LRP1B: variants seen among roughly 807,000 people sequenced by gnomAD.
The protein encoded by LRP1B is LDL receptor related protein 1B.
In LRP1B, 217 loss-of-function variants were observed where a neutral mutation model predicts 556.6. The ratio of observed to expected loss-of-function variants is 0.39; its 90% CI spans 0.35 to 0.44. LRP1B has a LOEUF of 0.44. Among genes scored for constraint, LRP1B ranks in the 20% least tolerant of loss-of-function variants. LRP1B has a pLI of 1.00. For missense variants in LRP1B, 5,053 were observed against 5,620.8 expected, an observed-to-expected ratio of 0.90 and a Z score of 3.23; for synonymous variants, 2,047 against 1,865.8, an observed-to-expected ratio of 1.10 and a Z score of -2.50.
At chr2:141,073,413 G>T (rs921489384) in intron 7 of LRP1B, among the ~76,000 whole-genome samples, 1 of 151,708 alleles carries the variant, frequency 6.6e-6, no homozygotes, top group Non-Finnish European at 1.5e-5. Context: ...TTTTTCCTCA[G>T]TTACTTTCTC....
intron 89 of LRP1B, among the ~76,000 whole-genome samples, chr2:140,236,980 T>A (rs1008182075): frequency 6.6e-6 from 1 of 151,008 alleles, no homozygotes; most frequent in Non-Finnish European, 1.5e-5. Flanking sequence ...TCAAAGTATT[T>A]AGCATATCTA....
intron 51 of LRP1B, among the ~76,000 whole-genome samples, chr2:140,511,394 C>T (rs1364774037): frequency 2.7e-5 from 4 of 150,814 alleles, no homozygotes; most frequent in African/African-American, 9.8e-5. Context: ...CTCCGCCTCC[C>T]GGGTTCACGC....
At chr2:141,879,260 T>C (rs1178544048) in intron 1 of LRP1B, among the ~76,000 whole-genome samples, 6 of 151,828 alleles carry the variant, frequency 4.0e-5, no homozygotes, top group Non-Finnish European at 8.8e-5. Flanking sequence ...CTATAACACA[T>C]ATGATTCTGA....
At chr2:141,025,928 A>G (rs1465161541) in intron 11 of LRP1B, among the ~76,000 whole-genome samples, 1 of 152,088 alleles carries the variant, frequency 6.6e-6, no homozygotes, top group Non-Finnish European at 1.5e-5. Context: ...GCTTTCAATT[A>G]AAGAAGCCCT....
At chr2:141,034,629 G>C (rs897101736) in intron 11 of LRP1B, among the ~76,000 whole-genome samples, 5 of 151,918 alleles carry the variant, frequency 3.3e-5, no homozygotes, top group Non-Finnish European at 7.4e-5. Flanking sequence ...CTGGCCATCA[G>C]AGAAATGCAA....
intron 3 of LRP1B, among the ~76,000 whole-genome samples, chr2:141,277,863 C>A (rs1229881217): frequency 6.6e-6 from 1 of 151,768 alleles, no homozygotes; most frequent in East Asian, 1.9e-4. Flanking sequence ...CCCAAAGGGG[C>A]AGATTATATG....
intron 1 of LRP1B, among the ~76,000 whole-genome samples, chr2:141,853,598 A>C (rs190046345): frequency 1.3e-4 from 19 of 151,980 alleles, no homozygotes; most frequent in Admixed American, 5.3e-4. Flanking sequence ...ATATGTAACT[A>C]TCATAATTAA....
intron 1 of LRP1B, among the ~76,000 whole-genome samples, chr2:141,958,755 G>C (rs1286179329): frequency 2.6e-5 from 4 of 151,902 alleles, no homozygotes; most frequent in Non-Finnish European, 5.9e-5. Context: ...TATTGTTCTT[G>C]CTGTTATATC....
chr2:140,592,139 A>G (rs1156419781), intron 43 of LRP1B, among the ~76,000 whole-genome samples: 5 of 152,182 alleles, frequency 3.3e-5, no homozygotes, highest in Admixed American at 6.5e-5. Context: ...ATTATAGTTC[A>G]GGTACTAAAT....
intron 43 of LRP1B, among the ~76,000 whole-genome samples, chr2:140,554,899 C>T (rs1157660875): frequency 8.1e-6 from 1 of 123,782 alleles, no homozygotes; most frequent in Non-Finnish European, 1.8e-5. Flanking sequence ...TGTATATGAA[C>T]TACTAGCTAG....
intron 3 of LRP1B, among the ~76,000 whole-genome samples, chr2:141,334,028 TGAAAA>T (rs1687755416): frequency 6.6e-6 from 1 of 152,226 alleles, no homozygotes; most frequent in South Asian, 2.1e-4. Flanking sequence ...GGATTTATTA[TGAAAA>T]GAAAAGTTTG....
intron 1 of LRP1B, among the ~76,000 whole-genome samples, chr2:142,084,541 G>A (rs1426732034): frequency 1.3e-5 from 2 of 152,064 alleles, no homozygotes; most frequent in Non-Finnish European, 2.9e-5. Context: ...TCTCCAACTT[G>A]CTGCCAGGCA....
intron 7 of LRP1B, among the ~76,000 whole-genome samples, chr2:141,151,559 ATTTTC>A (rs1701925792): frequency 6.6e-6 from 1 of 151,926 alleles, no homozygotes; most frequent in African/African-American, 2.4e-5. Context: ...TGCTTATTTT[ATTTTC>A]TTTACTTTTT....
chr2:140,914,118 G>T (rs1178660980), intron 21 of LRP1B, among the ~76,000 whole-genome samples: 2 of 152,060 alleles, frequency 1.3e-5, no homozygotes, highest in Admixed American at 6.6e-5. Context: ...ACGACTGAAA[G>T]ATTTTTTTAA....
chr2:140,390,739 T>A (rs1376874624), intron 66 of LRP1B, among the ~76,000 whole-genome samples: 4 of 150,960 alleles, frequency 2.6e-5, no homozygotes, highest in African/African-American at 4.9e-5. Flanking sequence ...AGCCTACTCA[T>A]TTGTTGGCAA....
rs1682128799 is a variant in LRP1B, at chr2:140,264,880, AAAGG to A, written c.13247+5358_13247+5361del. Among the ~76,000 whole-genome samples the A allele has an allele frequency of 3.9e-5, 6 of 152,194 alleles. No individual in the cohort carries two copies. The South Asian group carries it at 1.2e-3, about 32-fold the overall frequency. ...GAGATAATAAGAGTTAACTAGAAAA[AAAGG>A]AAGAAGACACATTTGGGTTCAGTGA... On this transcript the variant is annotated intron_variant, in intron 86 of 90. Transcript: ENST00000389484.
chr2:141,985,746 T>C (rs1302037430), intron 1 of LRP1B, among the ~76,000 whole-genome samples: 1 of 151,968 alleles, frequency 6.6e-6, no homozygotes, highest in African/African-American at 2.4e-5. Flanking sequence ...CTGCCAATAT[T>C]TTTTAGCTCT....
chr2:141,430,393 A>C (rs887951714), intron 3 of LRP1B, among the ~76,000 whole-genome samples: 1 of 152,236 alleles, frequency 6.6e-6, no homozygotes, highest in African/African-American at 2.4e-5. Flanking sequence ...CAACAATAAA[A>C]ATAAAATGTA....
intron 7 of LRP1B, among the ~76,000 whole-genome samples, chr2:141,117,713 G>A (rs553257368): frequency 6.6e-6 from 1 of 152,136 alleles, no homozygotes; most frequent in Admixed American, 6.5e-5. Context: ...CAATGCTTTA[G>A]TGTGGTTCCA....
Sources: allele counts gnomAD v4.1 joint callset (sites outside exome capture counted in the v4.1 genomes callset), GRCh38; gene constraint gnomAD v4.1.1; transcripts MANE v1.5; gene names NCBI Gene and HGNC (gene_info 2026-07-23, HGNC 2026-07-21).